SVOP: variants seen among roughly 807,000 people sequenced by gnomAD.
SVOP encodes synaptic vesicle 2-related protein.
A neutral mutation model predicts 69.1 loss-of-function variants in SVOP; 17 were observed. The ratio of observed to expected loss-of-function variants is 0.25; its 90% CI spans 0.17 to 0.37. The LOEUF (loss-of-function observed/expected upper bound fraction) is 0.37, where lower values mean the gene tolerates loss of function less well. Among genes scored for constraint, SVOP ranks in the 10% least tolerant of loss-of-function variants. The pLI is 1.00. For synonymous variants in SVOP, 238 were observed against 238.6 expected, an observed-to-expected ratio of 1.00 and a Z score of 0.02; for missense variants, 435 against 597.5, an observed-to-expected ratio of 0.73 and a Z score of 2.84.
intron 1 of SVOP, among the ~76,000 whole-genome samples, chr12:108,991,750 C>T (rs2040201555): frequency 6.7e-6 from 1 of 149,180 alleles, no homozygotes; most frequent in Admixed American, 6.7e-5. Context: ...GCCATCACCC[C>T]TAGCCTGTAA....
intron 1 of SVOP, among the ~76,000 whole-genome samples, chr12:108,992,487 G>A (rs1330102099): frequency 6.6e-6 from 1 of 152,118 alleles, no homozygotes; most frequent in East Asian, 1.9e-4. Flanking sequence ...GCTGCAGTGA[G>A]CTATGATCAC....
intron 4 of SVOP, 120 bp from the exon 5 acceptor site, chr12:108,972,596 G>C: frequency 9.6e-7 from 1 of 1,037,684 alleles, no homozygotes; most frequent in Non-Finnish European, 1.4e-6. Context: ...AACATTCACT[G>C]AGAGCCTGCC....
intron 6 of SVOP, among the ~76,000 whole-genome samples, chr12:108,946,568 T>C (rs2137411198): frequency 6.6e-6 from 1 of 152,068 alleles, no homozygotes; most frequent in African/African-American, 2.4e-5. Context: ...GTTACTATTT[T>C]GATGCTTAGA....
At chr12:108,935,750 G>A (rs1019437696) in intron 10 of SVOP, among the ~76,000 whole-genome samples, 1 of 152,134 alleles carries the variant, frequency 6.6e-6, no homozygotes, top group African/African-American at 2.4e-5. Flanking sequence ...TACATGAATT[G>A]GTGCAAAGAG....
At chr12:108,967,537 T>C (rs141779248) in intron 5 of SVOP, among the ~76,000 whole-genome samples, 21,388 of 151,654 alleles carry the variant, frequency 0.14, 1,745 homozygotes, top group Middle Eastern at 0.25. Flanking sequence ...AAGAAAGAAA[T>C]GAGGGCTGAG....
intron 1 of SVOP, among the ~76,000 whole-genome samples, chr12:109,015,630 A>T (rs1287344722): frequency 4.6e-5 from 4 of 87,204 alleles, no homozygotes; most frequent in African/African-American, 9.1e-5. Context: ...ACATGACAAA[A>T]CCCCATCTCT....
chr12:108,928,990 GC>G lies in SVOP; in HGVS notation c.1048+5204del, dbSNP rs563644712. On this transcript the variant is annotated intron_variant, in intron 11 of 15. Coordinates refer to ENST00000610966, the MANE Select transcript of SVOP (RefSeq NM_018711.5). ...CAGGGACAGAAAAGAATCTGAACAGGCCTTGCTGACTTTCCCCCAGTTTGTT... is the reference window on the plus strand; with the variant it reads ...CAGGGACAGAAAAGAATCTGAACAGGCTTGCTGACTTTCCCCCAGTTTGTT... Among the ~76,000 whole-genome samples the G allele has an allele frequency of 4.6e-5, 7 of 152,214 alleles. No homozygotes were observed. The South Asian group carries it at 1.5e-3, about 32-fold the overall frequency.
At chr12:108,948,542 G>A (rs1314701822) in intron 6 of SVOP, among the ~76,000 whole-genome samples, 1 of 152,226 alleles carries the variant, frequency 6.6e-6, no homozygotes, top group Admixed American at 6.5e-5. Context: ...AACTAGGTTT[G>A]TCTATATCAT....
intron 3 of SVOP, 54 bp downstream of exon 3, chr12:108,978,524 G>A (rs2040118960): frequency 2.9e-6 from 2 of 696,738 alleles, no homozygotes; most frequent in Admixed American, 2.0e-5. Flanking sequence ...AAACCCAGTT[G>A]AGCAGCATGG....
At chr12:108,916,468 A>G (rs538707684) in intron 14 of SVOP, among the ~76,000 whole-genome samples, 1 of 152,232 alleles carries the variant, frequency 6.6e-6, no homozygotes, top group Admixed American at 6.5e-5. Flanking sequence ...GGGATGGCTC[A>G]TTCTTTGTCA....
At chr12:109,011,579 C>T (rs950438277) in intron 1 of SVOP, among the ~76,000 whole-genome samples, 1 of 152,188 alleles carries the variant, frequency 6.6e-6, no homozygotes. Flanking sequence ...TCCCCTAGAA[C>T]TCAAACACAA....
intron 1 of SVOP, among the ~76,000 whole-genome samples, chr12:109,019,718 T>A (rs1167470673): frequency 1.3e-5 from 2 of 152,196 alleles, no homozygotes; most frequent in Admixed American, 1.3e-4. Flanking sequence ...TTAGTAAAAC[T>A]TTAAAGCAAA....
chr12:108,961,249 G>A (rs2040016468), intron 5 of SVOP, among the ~76,000 whole-genome samples: 1 of 152,120 alleles, frequency 6.6e-6, no homozygotes, highest in Non-Finnish European at 1.5e-5. Context: ...TTGTCCCAAT[G>A]ATTGGCATTG....
At chr12:108,993,223 G>C (rs2135610464) in intron 1 of SVOP, among the ~76,000 whole-genome samples, 1 of 152,072 alleles carries the variant, frequency 6.6e-6, no homozygotes, top group East Asian at 1.9e-4. Flanking sequence ...GGCCAGGCTG[G>C]TCTCAAACTC....
intron 5 of SVOP, among the ~76,000 whole-genome samples, chr12:108,962,115 T>G (rs533709359): frequency 1.3e-5 from 2 of 152,328 alleles, no homozygotes; most frequent in African/African-American, 4.8e-5. Flanking sequence ...TTTATTTATT[T>G]TGAGACAGGG....
intron 4 of SVOP, among the ~76,000 whole-genome samples, chr12:108,975,207 A>G (rs1307161843): frequency 1.3e-5 from 2 of 152,260 alleles, no homozygotes; most frequent in Non-Finnish European, 2.9e-5. Context: ...ATTCTGGCAC[A>G]GCAAAGCACT....
At chr12:108,952,127 G>A (rs2039958770) in intron 6 of SVOP, among the ~76,000 whole-genome samples, 1 of 152,062 alleles carries the variant, frequency 6.6e-6, no homozygotes, top group Admixed American at 6.6e-5. Context: ...CTGCCTCACT[G>A]CAGAATCATG....
intron 1 of SVOP, among the ~76,000 whole-genome samples, chr12:109,003,471 A>G (rs1214719161): frequency 2.0e-5 from 3 of 152,178 alleles, no homozygotes; most frequent in Non-Finnish European, 2.9e-5. Flanking sequence ...GAGCTTGATG[A>G]AGAGGAAAAT....
chr12:108,992,258 C>T (rs1280668152), intron 1 of SVOP, among the ~76,000 whole-genome samples: 3 of 151,592 alleles, frequency 2.0e-5, no homozygotes, highest in Admixed American at 6.6e-5. Context: ...AAAAAAAGTC[C>T]TCAGGGGTGC....
Sources: gnomAD v4.1 joint callset for allele counts (sites outside exome capture counted in the v4.1 genomes callset) on GRCh38, gnomAD v4.1.1 for gene constraint, MANE v1.5 for transcripts, NCBI Gene and HGNC (gene_info 2026-07-23, HGNC 2026-07-21) for gene names.